Variants in LYPD6 observed in about 807,000 individuals in gnomAD.
LYPD6 encodes ly6/PLAUR domain-containing protein 6.
A neutral mutation model predicts 22.7 loss-of-function variants in LYPD6; 15 were observed. That is an observed-to-expected ratio of 0.66 (90% CI 0.44 to 1.02). The LOEUF is 1.02. Among genes scored for constraint, LYPD6 ranks in the 50% least tolerant of loss-of-function variants. The pLI is 0.00. For synonymous variants in LYPD6, 72 were observed against 77.5 expected, an observed-to-expected ratio of 0.93 and a Z score of 0.37; for missense variants, 189 against 208.4, an observed-to-expected ratio of 0.91 and a Z score of 0.57.
chr2:149,465,636 T>C (rs1330378854), intron 3 of LYPD6, among the ~76,000 whole-genome samples: 1 of 152,202 alleles, frequency 6.6e-6, no homozygotes, highest in Non-Finnish European at 1.5e-5. Flanking sequence ...ATCTTATGTA[T>C]GTTTTGTTTA....
intron 2 of LYPD6, among the ~76,000 whole-genome samples, chr2:149,446,899 A>G (rs542996972): frequency 6.6e-6 from 1 of 152,260 alleles, no homozygotes; most frequent in African/African-American, 2.4e-5. Flanking sequence ...TCTGGCCTTA[A>G]GCTACTGCCT....
intron 2 of LYPD6, among the ~76,000 whole-genome samples, chr2:149,442,911 T>C (rs568037206): frequency 6.6e-6 from 1 of 152,292 alleles, no homozygotes; most frequent in African/African-American, 2.4e-5. Flanking sequence ...ACTCTAGCCA[T>C]TGAGAATGTG....
chr2:149,402,677 C>G (rs1463748449), intron 1 of LYPD6, among the ~76,000 whole-genome samples: 1 of 151,934 alleles, frequency 6.6e-6, no homozygotes, highest in East Asian at 1.9e-4. Context: ...GTTTGTGTAT[C>G]TTCTTTTGAG....
At chr2:149,403,652 G>A (rs1408921739) in intron 1 of LYPD6, among the ~76,000 whole-genome samples, 1 of 150,854 alleles carries the variant, frequency 6.6e-6, no homozygotes, top group African/African-American at 2.5e-5. Flanking sequence ...AGATGAGTAG[G>A]TTGTGAAAAT....
chr2:149,462,910 T>C (rs1181970643), intron 3 of LYPD6, among the ~76,000 whole-genome samples: 1 of 152,068 alleles, frequency 6.6e-6, no homozygotes, highest in East Asian at 1.9e-4. Flanking sequence ...AATCACAGAC[T>C]TAAATGTGAA....
At chr2:149,391,520 A>C (rs954133438) in intron 1 of LYPD6, among the ~76,000 whole-genome samples, 1 of 152,090 alleles carries the variant, frequency 6.6e-6, no homozygotes, top group Non-Finnish European at 1.5e-5. Flanking sequence ...TTTGAGGTCA[A>C]ATTCCACAAA....
chr2:149,421,580 A>G (rs1683082669), intron 1 of LYPD6, among the ~76,000 whole-genome samples: 1 of 151,996 alleles, frequency 6.6e-6, no homozygotes, highest in Non-Finnish European at 1.5e-5. Context: ...GTCGAAAATG[A>G]TGGGATAGTG....
chr2:149,468,167 A>G (rs1681247100), intron 3 of LYPD6, among the ~76,000 whole-genome samples: 1 of 143,898 alleles, frequency 6.9e-6, no homozygotes, highest in African/African-American at 2.6e-5. Context: ...ACACACACAC[A>G]CACACACACA....
At chr2:149,455,192 G>C (rs1680927774) in intron 3 of LYPD6, among the ~76,000 whole-genome samples, 1 of 150,520 alleles carries the variant, frequency 6.6e-6, no homozygotes, top group African/African-American at 2.4e-5. Flanking sequence ...TCTGTTTCTT[G>C]GTAAGCCATC....
rs928861232 is a variant in LYPD6 at position 149,468,572 on chromosome 2, C to T, written c.218-73C>T. ...CTCTTTTCTGGAATGATAATGCTGA[C>T]ACTCCTGTTATTTTCCTTTTAGGCA... On this transcript the variant is annotated intron_variant, in intron 3 of 4. Coordinates refer to ENST00000334166, the MANE Select transcript of LYPD6 (RefSeq NM_194317.5). 2.1e-5 allele frequency: 31 copies of T among 1,511,884 alleles called. 1 individual carries two copies. The South Asian group carries it at 3.5e-4, about 17-fold the overall frequency. The allele number at this position is 1,511,884 out of a possible 1,614,324, so 93.7% of individuals were successfully genotyped here.
intron 1 of LYPD6, among the ~76,000 whole-genome samples, chr2:149,432,982 G>C (rs1472090459): frequency 6.6e-6 from 1 of 152,124 alleles, no homozygotes; most frequent in Non-Finnish European, 1.5e-5. Flanking sequence ...TGCTCATTAA[G>C]ATGTTTTGAA....
chr2:149,395,322 T>C (rs964449865), intron 1 of LYPD6, among the ~76,000 whole-genome samples: 8 of 152,194 alleles, frequency 5.3e-5, no homozygotes, highest in Non-Finnish European at 1.2e-4. Context: ...CATAATTCTT[T>C]TTCAAAAGTT....
chr2:149,418,754 C>T (rs998847369), intron 1 of LYPD6, among the ~76,000 whole-genome samples: 5 of 152,184 alleles, frequency 3.3e-5, no homozygotes, highest in Admixed American at 6.5e-5. Flanking sequence ...CTTCTCTTCA[C>T]CCTTCTTCAG....
At chr2:149,370,862 A>G (rs1346867574) in intron 1 of LYPD6, among the ~76,000 whole-genome samples, 1 of 152,190 alleles carries the variant, frequency 6.6e-6, no homozygotes, top group Non-Finnish European at 1.5e-5. Context: ...CAGGAGGGTG[A>G]AGCAGGATAA....
intron 1 of LYPD6, among the ~76,000 whole-genome samples, chr2:149,425,276 A>C (rs1683165578): frequency 6.6e-6 from 1 of 152,204 alleles, no homozygotes; most frequent in Non-Finnish European, 1.5e-5. Flanking sequence ...GCATTTCTTC[A>C]CATGCTCTTA....
chr2:149,417,616 A>T (rs1682992841), intron 1 of LYPD6, among the ~76,000 whole-genome samples: 1 of 152,146 alleles, frequency 6.6e-6, no homozygotes, highest in Admixed American at 6.5e-5. Context: ...ACCAGAAAGG[A>T]TTTCATGTGT....
At chr2:149,341,384 G>A (rs561221931) in intron 1 of LYPD6, among the ~76,000 whole-genome samples, 11 of 152,026 alleles carry the variant, frequency 7.2e-5, no homozygotes, top group Non-Finnish European at 1.0e-4. Context: ...GCTCTTTTAC[G>A]TATACCTGTA....
At chr2:149,422,031 G>T (rs1683092331) in intron 1 of LYPD6, among the ~76,000 whole-genome samples, 1 of 152,104 alleles carries the variant, frequency 6.6e-6, no homozygotes, top group African/African-American at 2.4e-5. Context: ...GCATGCTATG[G>T]CGCCTCTTGG....
intron 3 of LYPD6, 50 bp from the exon 4 acceptor site, chr2:149,468,595 G>T: frequency 6.3e-7 from 1 of 1,588,840 alleles, no homozygotes; most frequent in South Asian, 1.1e-5. Flanking sequence ...TTCCTTTTAG[G>T]CAGGTTTGGT....
Sources: gnomAD v4.1 joint callset for allele counts (sites outside exome capture counted in the v4.1 genomes callset) on GRCh38, gnomAD v4.1.1 for gene constraint, MANE v1.5 for transcripts, NCBI Gene and HGNC (gene_info 2026-07-23, HGNC 2026-07-21) for gene names.